The following ALG14 variants were observed in gnomAD, a reference collection of about 807,000 sequenced individuals.
The protein encoded by ALG14 is UDP-N-acetylglucosamine transferase subunit ALG14.
Under a neutral mutation model 22.8 loss-of-function variants are expected in ALG14, and 17 were observed. The ratio of observed to expected loss-of-function variants is 0.75; its 90% CI spans 0.51 to 1.12. ALG14 has a LOEUF of 1.12. Among genes scored for constraint, ALG14 ranks in the 50% most tolerant of loss-of-function variants. The probability of loss-of-function intolerance (pLI) is 0.00; values close to 1 mark genes in which losing one functional copy is unlikely to be tolerated. For missense variants in ALG14, 288 were observed against 271.8 expected (o/e 1.06, Z -0.42); for synonymous variants, 89 against 103.7 (o/e 0.86, Z 0.86).
At chr1:94,991,626 C>A (rs984463632) in intron 3 of ALG14, among the ~76,000 whole-genome samples, 11 of 152,112 alleles carry the variant, frequency 7.2e-5, no homozygotes, top group Non-Finnish European at 1.6e-4. Flanking sequence ...AGTGTGAAGG[C>A]CCAGGACATT....
rs764786734 is a variant in ALG14, at chr1:94,983,312, A to G, written c.421-6T>C. 7 of 1,611,388 alleles carry G rather than the reference A, an allele frequency of 4.3e-6. No individual in the cohort carries two copies. Among genetic ancestry groups the G allele is most frequent in the Non-Finnish European group, 5.9e-6 (7 of 1,178,248 alleles). ...CCTGGTCCGTTACACAACACCTGAAAGAAAAAGTTGAAGGTCAAATGAAAA... is the reference window on the plus strand; with the variant it reads ...CCTGGTCCGTTACACAACACCTGAAGGAAAAAGTTGAAGGTCAAATGAAAA... On this transcript the variant is annotated splice_polypyrimidine_tract_variant and splice_region_variant and intron_variant, in intron 3 of 3. Coordinates refer to ENST00000370205, the MANE Select transcript of ALG14 (RefSeq NM_144988.4).
rs539605251 is a variant in ALG14 at position 95,061,099 on chromosome 1, A to G, written c.288+3767T>C. On this transcript the variant is annotated intron_variant, in intron 2 of 3. Transcript: ENST00000370205. ...TGGCCACCACTAGAAGCCAGGAGGA[A>G]GCAAGGAGGGATTCTTCTTCAGAAC... is the stretch of plus-strand genomic sequence containing the variant. Among the ~76,000 whole-genome samples, 10 of 152,324 alleles carry G rather than the reference A, an allele frequency of 6.6e-5. 3 individuals are homozygous for G. Among genetic ancestry groups the G allele is most frequent in the African/African-American group, 2.4e-4 (10 of 41,584 alleles).
chr1:95,006,106 C>T (rs188686453), intron 3 of ALG14, among the ~76,000 whole-genome samples: 1 of 152,302 alleles, frequency 6.6e-6, no homozygotes, highest in African/African-American at 2.4e-5. Flanking sequence ...AACAAAGCTG[C>T]TCACAGGTTT....
chr1:95,037,515 G>A (rs1674238625), intron 2 of ALG14, among the ~76,000 whole-genome samples: 1 of 152,176 alleles, frequency 6.6e-6, no homozygotes, highest in Non-Finnish European at 1.5e-5. Flanking sequence ...GCTGGAGGCA[G>A]CACTGTGGGA....
intron 2 of ALG14, among the ~76,000 whole-genome samples, chr1:95,033,329 C>T (rs1674071792): frequency 6.6e-6 from 1 of 151,374 alleles, no homozygotes; most frequent in African/African-American, 2.4e-5. Flanking sequence ...CTTTGAGGGA[C>T]ACTGTAGGCT....
chr1:95,001,151 G>C (rs1234565882), intron 3 of ALG14, among the ~76,000 whole-genome samples: 1 of 152,178 alleles, frequency 6.6e-6, no homozygotes, highest in Non-Finnish European at 1.5e-5. Context: ...CCAAGCCCCA[G>C]GTGGGAAGAG....
intron 3 of ALG14, among the ~76,000 whole-genome samples, chr1:95,016,553 T>C (rs1023537514): frequency 6.6e-6 from 1 of 152,164 alleles, no homozygotes; most frequent in Admixed American, 6.5e-5. Flanking sequence ...AATTTAGAAA[T>C]CTGCCAAGAT....
chr1:95,025,363 G>T (rs1245122219), intron 3 of ALG14, among the ~76,000 whole-genome samples: 2 of 152,168 alleles, frequency 1.3e-5, no homozygotes, highest in East Asian at 3.8e-4. Context: ...AGGCTTTGTT[G>T]TTCCACTTAC....
rs138899664 is a variant in ALG14, at chr1:95,015,427, G to A, written c.420+11702C>T. ...ATTTGGGGAGGGAGAAAATTCAGCAGAAGTTAAATGACTAGAGAACAATTA... is the reference window on the plus strand; with the variant it reads ...ATTTGGGGAGGGAGAAAATTCAGCAAAAGTTAAATGACTAGAGAACAATTA... On this transcript the variant is annotated intron_variant, in intron 3 of 3. Coordinates refer to ENST00000370205, the MANE Select transcript of ALG14 (RefSeq NM_144988.4). Among the ~76,000 whole-genome samples, 458 of 152,312 alleles carry A rather than the reference G, an allele frequency of 3.0e-3. 1 individual carries two copies. The highest frequency in any genetic ancestry group is 0.011 in the African/African-American group (443 of 41,546).
intron 2 of ALG14, chr1:95,061,663 C>T (rs954299468): frequency 2.0e-5 from 3 of 152,216 alleles, no homozygotes; most frequent in Non-Finnish European, 2.9e-5. Context: ...CTCCTCTCTT[C>T]CTGTACATTA....
chr1:95,014,372 A>AC (rs1245508181), intron 3 of ALG14, among the ~76,000 whole-genome samples: 1 of 152,034 alleles, frequency 6.6e-6, no homozygotes, highest in Non-Finnish European at 1.5e-5. Flanking sequence ...ACCTGTTCTC[A>AC]CCCCCAAAAT....
rs55962309 is a variant in ALG14, at chr1:95,016,942, G to GGTGTGTGTGTGT, written c.420+10175_420+10186dup. On this transcript the variant is annotated intron_variant, in intron 3 of 3. Coordinates refer to ENST00000370205, the MANE Select transcript of ALG14 (RefSeq NM_144988.4). ...CCAGCCCTTGCAATTTTGCAAAAGGGGTGTGTGTGTGTGTGTGTGTGTGTG... is the reference window on the plus strand; with the variant it reads ...CCAGCCCTTGCAATTTTGCAAAAGGGGTGTGTGTGTGTGTGTGTGTGTGTGTGTGTGTGTGTG... Among the ~76,000 whole-genome samples, 242 of 129,356 alleles carry GGTGTGTGTGTGT rather than the reference G, an allele frequency of 1.9e-3. 1 individual carries two copies. The highest frequency in any genetic ancestry group is 4.0e-3 in the Middle Eastern group (1 of 248). The allele number at this position is 129,356 out of a possible 152,430, so 84.9% of individuals were successfully genotyped here.
rs1380439700 is a variant in ALG14, at chr1:94,996,167, T to C, written c.421-12861A>G. Among the ~76,000 whole-genome samples the C allele has an allele frequency of 2.0e-5, 3 of 152,146 alleles. No individual in the cohort carries two copies. The East Asian group carries it at 5.8e-4, about 29-fold the overall frequency. The stretch of plus-strand genomic sequence containing the variant: ...ACTTTCACGTCACATTCATCAGGGG[T>C]ACTTAACAGAAATGTAGATTCTTTC... On this transcript the variant is annotated intron_variant, in intron 3 of 3. Coordinates refer to ENST00000370205, the MANE Select transcript of ALG14 (RefSeq NM_144988.4).
intron 2 of ALG14, among the ~76,000 whole-genome samples, chr1:95,051,243 A>AC (rs1674738848): frequency 6.6e-6 from 1 of 151,644 alleles, no homozygotes. Flanking sequence ...TTAAGTGGCA[A>AC]CTCCATTCTT....
At chr1:95,065,495 T>C (rs1675327606) in intron 1 of ALG14, among the ~76,000 whole-genome samples, 1 of 152,154 alleles carries the variant, frequency 6.6e-6, no homozygotes, top group South Asian at 2.1e-4. Context: ...GGGAGGCCAC[T>C]GGGTGGAGAT....
chr1:95,010,414 A>G (rs2100748495), intron 3 of ALG14, among the ~76,000 whole-genome samples: 1 of 152,322 alleles, frequency 6.6e-6, no homozygotes, highest in South Asian at 2.1e-4. Flanking sequence ...GACTCAGCCT[A>G]GATTTGTCCT....
intron 3 of ALG14, among the ~76,000 whole-genome samples, chr1:95,007,283 T>C (rs1395904230): frequency 6.6e-6 from 1 of 152,202 alleles, no homozygotes; most frequent in Non-Finnish European, 1.5e-5. Context: ...CTAACAATTA[T>C]TTTTATTTGC....
At chr1:95,004,852 C>A (rs1571595727) in intron 3 of ALG14, among the ~76,000 whole-genome samples, 1 of 146,918 alleles carries the variant, frequency 6.8e-6, no homozygotes, top group Non-Finnish European at 1.5e-5. Context: ...GTTGCCCAGG[C>A]TGGAGTGCAG....
intron 3 of ALG14, among the ~76,000 whole-genome samples, chr1:94,984,948 T>C (rs1672600841): frequency 6.6e-6 from 1 of 152,226 alleles, no homozygotes; most frequent in African/African-American, 2.4e-5. Context: ...TTTTTTTCTT[T>C]TTTTTGTTTT....
Sources: allele counts gnomAD v4.1 joint callset (sites outside exome capture counted in the v4.1 genomes callset), GRCh38; gene constraint gnomAD v4.1.1; transcripts MANE v1.5; gene names NCBI Gene and HGNC (gene_info 2026-07-23, HGNC 2026-07-21).